FRMD4A: variants seen among roughly 807,000 people sequenced by gnomAD.
FRMD4A encodes FERM domain-containing protein 4A.
In FRMD4A, 29 loss-of-function variants were observed where a neutral mutation model predicts 129.1. The observed-to-expected ratio is 0.22, with a 90% CI of 0.17 to 0.31. The LOEUF is 0.31. Among genes scored for constraint, FRMD4A ranks in the 10% least tolerant of loss-of-function variants. FRMD4A has a pLI of 1.00. For synonymous variants in FRMD4A, 634 were observed against 571.6 expected, an observed-to-expected ratio of 1.11 and a Z score of -1.56; for missense variants, 1,272 against 1,375.8, an observed-to-expected ratio of 0.92 and a Z score of 1.19.
intron 2 of FRMD4A, among the ~76,000 whole-genome samples, chr10:14,057,573 C>CTTT (rs141521346): frequency 2.2e-5 from 2 of 90,004 alleles, no homozygotes; most frequent in Non-Finnish European, 5.2e-5. Context: ...AATTTATAAT[C>CTTT]TTTTTTTTTT....
At chr10:13,889,002 G>T (rs1373814198) in intron 2 of FRMD4A, among the ~76,000 whole-genome samples, 1 of 152,248 alleles carries the variant, frequency 6.6e-6, no homozygotes, top group Non-Finnish European at 1.5e-5. Context: ...CTTATGAGGG[G>T]TAAGTATATG....
rs192147037 is a variant in FRMD4A at position 13,751,884 on chromosome 10, T to C, written c.465-4065A>G. Among the ~76,000 whole-genome samples, 146 of 151,976 alleles carry C rather than the reference T, an allele frequency of 9.6e-4. 1 individual carries two copies. The highest frequency in any genetic ancestry group is 3.5e-3 in the African/African-American group (145 of 41,454). On this transcript the variant is annotated intron_variant, in intron 8 of 24. Transcript: ENST00000357447. ...TATAAAAAACAGCCAGGTGTAGTGG[T>C]TTGCACTTGTAGTCCCAGCTATCTG...
intron 2 of FRMD4A, among the ~76,000 whole-genome samples, chr10:13,959,968 C>T (rs1450880772): frequency 6.6e-6 from 1 of 152,166 alleles, no homozygotes; most frequent in Non-Finnish European, 1.5e-5. Flanking sequence ...GTGGCTGCCC[C>T]AGAACAGGCA....
chr10:14,095,565 C>T (rs1231951618), intron 2 of FRMD4A, among the ~76,000 whole-genome samples: 8 of 152,236 alleles, frequency 5.3e-5, no homozygotes, highest in East Asian at 3.8e-4. Flanking sequence ...ATTTTACATA[C>T]GCACTTCTAA....
intron 2 of FRMD4A, among the ~76,000 whole-genome samples, chr10:14,328,209 A>G (rs958685287): frequency 6.6e-6 from 1 of 152,082 alleles, no homozygotes; most frequent in African/African-American, 2.4e-5. Context: ...AGAGGAGAAC[A>G]CGATCCTTTT....
intron 2 of FRMD4A, among the ~76,000 whole-genome samples, chr10:14,280,416 G>C (rs574293584): frequency 3.3e-5 from 5 of 152,152 alleles, no homozygotes; most frequent in Non-Finnish European, 2.9e-5. Flanking sequence ...GATTAGCTGG[G>C]ACTATAGGTG....
chr10:13,898,967 G>A (rs1332124928), intron 2 of FRMD4A, among the ~76,000 whole-genome samples: 3 of 152,152 alleles, frequency 2.0e-5, no homozygotes, highest in Non-Finnish European at 4.4e-5. Flanking sequence ...AGGATCACTT[G>A]AGGCTAGGAA....
intron 2 of FRMD4A, among the ~76,000 whole-genome samples, chr10:14,243,164 C>G (rs1844110806): frequency 6.6e-6 from 1 of 152,178 alleles, no homozygotes; most frequent in Admixed American, 6.5e-5. Flanking sequence ...ACCTTGAGAA[C>G]ATTATGCTGA....
intron 12 of FRMD4A, chr10:13,707,626 G>C (rs1000733725): frequency 1.3e-5 from 13 of 988,662 alleles, no homozygotes; most frequent in Non-Finnish European, 1.6e-5. Context: ...GCCTCCCATC[G>C]GGACTCCACT....
intron 2 of FRMD4A, among the ~76,000 whole-genome samples, chr10:14,167,852 G>A (rs1000698342): frequency 3.3e-5 from 5 of 152,260 alleles, no homozygotes; most frequent in Non-Finnish European, 7.3e-5. Context: ...TTTGGAAGGT[G>A]TGAAGTACGC....
intron 15 of FRMD4A, among the ~76,000 whole-genome samples, chr10:13,689,546 A>ATTTT (rs1259780771): frequency 5.7e-5 from 6 of 104,404 alleles, no homozygotes; most frequent in Non-Finnish European, 9.9e-5. Context: ...AGATTAGAAG[A>ATTTT]TTCTTTTTTT....
At chr10:14,161,861 A>G (rs1201402827) in intron 2 of FRMD4A, among the ~76,000 whole-genome samples, 1 of 152,202 alleles carries the variant, frequency 6.6e-6, no homozygotes, top group Non-Finnish European at 1.5e-5. Flanking sequence ...ACCCCCTAAA[A>G]GTCCTGATTT....
chr10:14,181,007 A>G (rs1841894744), intron 2 of FRMD4A, among the ~76,000 whole-genome samples: 1 of 152,086 alleles, frequency 6.6e-6, no homozygotes, highest in African/African-American at 2.4e-5. Flanking sequence ...GATCTTTTAG[A>G]CTCTGCCCCA....
intron 4 of FRMD4A, among the ~76,000 whole-genome samples, chr10:13,798,337 G>C (rs1181032722): frequency 6.6e-6 from 1 of 152,038 alleles, no homozygotes; most frequent in Non-Finnish European, 1.5e-5. Context: ...GCTTGAACCC[G>C]GGAGATGGAG....
chr10:13,916,791 G>A (rs576681464), intron 2 of FRMD4A, among the ~76,000 whole-genome samples: 1 of 152,236 alleles, frequency 6.6e-6, no homozygotes, highest in South Asian at 2.1e-4. Flanking sequence ...AATATGTGTT[G>A]ATTATTTCTT....
At chr10:13,973,511 A>T (rs2095529026) in intron 2 of FRMD4A, among the ~76,000 whole-genome samples, 1 of 152,090 alleles carries the variant, frequency 6.6e-6, no homozygotes, top group Admixed American at 6.5e-5. Context: ...TCTTTTTTGG[A>T]TAGTTTTATC....
At chr10:13,966,633 G>A (rs183738606) in intron 2 of FRMD4A, among the ~76,000 whole-genome samples, 87 of 152,348 alleles carry the variant, frequency 5.7e-4, no homozygotes, top group Non-Finnish European at 1.0e-3. Context: ...GGCTGGGGCC[G>A]AGTGCTGTTT....
chr10:14,306,726 A>G (rs1372869276), intron 2 of FRMD4A, among the ~76,000 whole-genome samples: 1 of 152,252 alleles, frequency 6.6e-6, no homozygotes, highest in South Asian at 2.1e-4. Context: ...CTCAGTGGAC[A>G]TTCAGTGGAG....
chr10:14,293,707 G>A (rs114868923), intron 2 of FRMD4A, among the ~76,000 whole-genome samples: 39 of 152,060 alleles, frequency 2.6e-4, no homozygotes, highest in African/African-American at 8.9e-4. Context: ...CATGACTCAA[G>A]TTTTGTTTAT....
Sources: gnomAD v4.1 joint callset for allele counts (sites outside exome capture counted in the v4.1 genomes callset) on GRCh38, gnomAD v4.1.1 for gene constraint, MANE v1.5 for transcripts, NCBI Gene and HGNC (gene_info 2026-07-23, HGNC 2026-07-21) for gene names.